SH3D19: variants seen among roughly 807,000 people sequenced by gnomAD.
SH3D19 encodes the protein SH3 domain-containing protein 19.
Under a neutral mutation model 112.1 loss-of-function variants are expected in SH3D19, and 58 were observed. That is an observed-to-expected ratio of 0.52 (90% confidence interval 0.42 to 0.64). SH3D19 has a LOEUF of 0.64. Among genes scored for constraint, SH3D19 ranks in the 30% least tolerant of loss-of-function variants. The pLI is 0.00. For synonymous variants in SH3D19, 391 were observed against 448.5 expected (o/e 0.87, Z 1.62); for missense variants, 1,090 against 1,263.4 (o/e 0.86, Z 2.08).
At chr4:151,180,411 CTTT>C (rs367719721) in intron 3 of SH3D19, among the ~76,000 whole-genome samples, 1 of 130,762 alleles carries the variant, frequency 7.6e-6, no homozygotes, top group African/African-American at 2.9e-5. Context: ...ATTTTTTTTT[CTTT>C]TTTTTTTTTT....
In SH3D19 at chr4:151,195,389, AAAAAAAAAGAAAAAG is replaced by A. The variant is rs1267791307; in HGVS notation, c.153-7941_153-7927del. Reference sequence around the variant, plus strand: ...TCTGTCTCAAAAAAAAAAAAAAAAAAAAAAAAAAGAAAAAGAAAAAAAGAGTTAACCTTAATTTTC... The same window carrying A: ...TCTGTCTCAAAAAAAAAAAAAAAAAAAAAAAAAGAGTTAACCTTAATTTTC... On this transcript the variant is annotated intron_variant, in intron 2 of 19. Coordinates refer to ENST00000604030, the MANE Select transcript of SH3D19 (RefSeq NM_001378122.1). Among the ~76,000 whole-genome samples the A allele has an allele frequency of 1.2e-3, 174 of 141,146 alleles. 3 individuals are homozygous for A. The highest frequency in any genetic ancestry group is 4.9e-3 in the African/African-American group (161 of 32,712). The allele number at this position is 141,146 out of a possible 152,430, so 92.6% of individuals were successfully genotyped here. A position where few individuals can be genotyped will look rare whatever the true frequency, so the allele number is the denominator to read the frequency against.
intron 1 of SH3D19, among the ~76,000 whole-genome samples, chr4:151,310,112 G>A (rs1186839714): frequency 6.7e-6 from 1 of 149,012 alleles, no homozygotes. Flanking sequence ...GGTGGCTCAC[G>A]CCTGTAATCC....
At chr4:151,215,342 C>T (rs527404749) in intron 2 of SH3D19, among the ~76,000 whole-genome samples, 6 of 152,338 alleles carry the variant, frequency 3.9e-5, no homozygotes, top group African/African-American at 7.2e-5. Flanking sequence ...ACTTTAAGTC[C>T]GCCTGTCATT....
intron 19 of SH3D19, among the ~76,000 whole-genome samples, chr4:151,125,486 CAAAACCA>C (rs1749019864): frequency 1.3e-4 from 3 of 22,258 alleles, no homozygotes; most frequent in African/African-American, 2.5e-4. Flanking sequence ...CAAAACAAAA[CAAAACCA>C]AAAAAAAAAA....
chr4:151,180,614 G>T (rs1213864394), intron 3 of SH3D19, among the ~76,000 whole-genome samples: 1 of 151,502 alleles, frequency 6.6e-6, no homozygotes, highest in Admixed American at 6.6e-5. Context: ...CACCGTGTTA[G>T]CCAGGATGGT....
At chr4:151,235,410 C>T (rs184359571) in intron 1 of SH3D19, among the ~76,000 whole-genome samples, 4 of 152,192 alleles carry the variant, frequency 2.6e-5, no homozygotes, top group African/African-American at 9.7e-5. Flanking sequence ...TCCCAAATTA[C>T]AATAACCTCT....
intron 1 of SH3D19, among the ~76,000 whole-genome samples, chr4:151,251,983 A>C (rs1474440728): frequency 6.6e-6 from 1 of 152,198 alleles, no homozygotes; most frequent in Non-Finnish European, 1.5e-5. Context: ...TAAGCAGAGG[A>C]ATTCCACCAC....
chr4:151,319,686 G>T (rs1445336061), intron 1 of SH3D19, among the ~76,000 whole-genome samples: 1 of 152,156 alleles, frequency 6.6e-6, no homozygotes, highest in Non-Finnish European at 1.5e-5. Context: ...TAACATTTCT[G>T]AGTCTCAGTT....
intron 2 of SH3D19, among the ~76,000 whole-genome samples, chr4:151,207,562 G>A (rs541810970): frequency 2.7e-4 from 41 of 152,288 alleles, no homozygotes; most frequent in Middle Eastern, 6.8e-3. Context: ...CTTTTCTTCA[G>A]GTAGCCAAAG....
intron 1 of SH3D19, among the ~76,000 whole-genome samples, chr4:151,237,073 T>A (rs1770128554): frequency 6.6e-6 from 1 of 152,232 alleles, no homozygotes; most frequent in Non-Finnish European, 1.5e-5. Context: ...GCTCACCCTT[T>A]GGGTCTGTGT....
rs529926336 is a variant in SH3D19 at position 151,120,921 on chromosome 4, C to G, written c.*1170G>C. ...ATGATTGTCTTCAACCTATTTGGCT[C>G]TAGCCCATAAATTGTAATTGATTCA... On this transcript the variant is annotated 3_prime_UTR_variant, in exon 20 of 20. Coordinates refer to ENST00000604030, the MANE Select transcript of SH3D19 (RefSeq NM_001378122.1). 1 of 152,772 alleles carries G rather than the reference C, an allele frequency of 6.5e-6. No individual in the cohort carries two copies. The highest frequency in any genetic ancestry group is 1.5e-5 in the Non-Finnish European group (1 of 68,038). 9.5% of individuals were successfully genotyped at this position (152,772 alleles called of 1,614,324 possible).
intron 1 of SH3D19, among the ~76,000 whole-genome samples, chr4:151,288,421 G>A (rs1177081693): frequency 1.3e-5 from 2 of 152,152 alleles, no homozygotes; most frequent in African/African-American, 4.8e-5. Context: ...AACACATTCA[G>A]CAAAACTGAA....
At chr4:151,277,165 A>T in intron 1 of SH3D19, 1 of 1,461,836 alleles carries the variant, frequency 6.8e-7, no homozygotes, top group Non-Finnish European at 9.2e-7. Context: ...GGCTCTGAGG[A>T]CAGAGACATG....
intron 1 of SH3D19, among the ~76,000 whole-genome samples, chr4:151,316,421 G>C (rs1729986051): frequency 6.6e-6 from 1 of 152,112 alleles, no homozygotes; most frequent in African/African-American, 2.4e-5. Flanking sequence ...TCTGAATCAA[G>C]CATGGAGTTT....
chr4:151,193,646 G>C lies in SH3D19; in HGVS notation c.153-6183C>G, dbSNP rs181172928. ...CAGTGACTTTACTAAGATGGAACTT[G>C]TCTGAATGGGTTAGGTTACATGACA... On this transcript the variant is annotated intron_variant, in intron 2 of 19. Coordinates refer to ENST00000604030, the MANE Select transcript of SH3D19 (RefSeq NM_001378122.1). 1.8e-3 allele frequency among the ~76,000 whole-genome samples: 279 copies of C among 152,302 alleles called. 1 individual carries two copies. The highest frequency in any genetic ancestry group is 6.4e-3 in the African/African-American group (265 of 41,564).
chr4:151,252,793 C>T (rs1201880267), intron 1 of SH3D19, among the ~76,000 whole-genome samples: 1 of 152,214 alleles, frequency 6.6e-6, no homozygotes, highest in East Asian at 1.9e-4. Context: ...TACACTGTGC[C>T]CCATTTCAGT....
chr4:151,275,836 A>ATTTT (rs1561421508), intron 1 of SH3D19, among the ~76,000 whole-genome samples: 2 of 54,712 alleles, frequency 3.7e-5, no homozygotes, highest in Non-Finnish European at 5.2e-5. Context: ...TATTATTATT[A>ATTTT]TTATTATTAT....
chr4:151,141,582 C>G (rs1426721599), intron 12 of SH3D19, among the ~76,000 whole-genome samples: 1 of 152,128 alleles, frequency 6.6e-6, no homozygotes, highest in Non-Finnish European at 1.5e-5. Context: ...GAACTCGAGG[C>G]TGCAGTGAGC....
chr4:151,278,275 T>C (rs1773842569), intron 1 of SH3D19, among the ~76,000 whole-genome samples: 1 of 148,784 alleles, frequency 6.7e-6, no homozygotes, highest in Non-Finnish European at 1.5e-5. Context: ...TCATAGAGCA[T>C]TTTTTTTTTA....
Sources: gnomAD v4.1 joint callset for allele counts (sites outside exome capture counted in the v4.1 genomes callset) on GRCh38, gnomAD v4.1.1 for gene constraint, MANE v1.5 for transcripts, NCBI Gene and HGNC (gene_info 2026-07-23, HGNC 2026-07-21) for gene names.